ASTN2: variants seen among roughly 807,000 people sequenced by gnomAD.
ASTN2 encodes astrotactin 2, also known as astrotactin-2.
In ASTN2, 54 loss-of-function variants were observed where a neutral mutation model predicts 139.8. That is an observed-to-expected ratio of 0.39 (90% confidence interval 0.31 to 0.48). ASTN2 has a LOEUF of 0.48. Among genes scored for constraint, ASTN2 ranks in the 20% least tolerant of loss-of-function variants. The probability of loss-of-function intolerance (pLI) is 0.95; values close to 1 mark genes in which losing one functional copy is unlikely to be tolerated. For missense variants in ASTN2, 1,565 were observed against 1,725.1 expected (o/e 0.91, Z 1.64); for synonymous variants, 756 against 719.5 (o/e 1.05, Z -0.81).
At chr9:117,290,355 A>G (rs915616251) in intron 2 of ASTN2, among the ~76,000 whole-genome samples, 3 of 152,206 alleles carry the variant, frequency 2.0e-5, no homozygotes, top group Non-Finnish European at 4.4e-5. Flanking sequence ...TTTTCTATCT[A>G]CCATGCAATG....
intron 13 of ASTN2, among the ~76,000 whole-genome samples, chr9:116,762,269 C>T (rs546130368): frequency 1.3e-5 from 2 of 152,284 alleles, no homozygotes; most frequent in South Asian, 2.1e-4. Flanking sequence ...CCTGGTTTTG[C>T]CACTTGTTGT....
At chr9:116,556,632 T>C (rs1041151623) in intron 19 of ASTN2, among the ~76,000 whole-genome samples, 11 of 152,038 alleles carry the variant, frequency 7.2e-5, no homozygotes, top group Non-Finnish European at 1.2e-4. Context: ...TGAAAAGAGG[T>C]TGACAATGAC....
intron 16 of ASTN2, among the ~76,000 whole-genome samples, chr9:116,670,687 GC>G (rs1331231138): frequency 1.3e-5 from 2 of 152,130 alleles, no homozygotes; most frequent in Admixed American, 6.6e-5. Context: ...GCAAAGAGGA[GC>G]AGGAGATCTG....
intron 1 of ASTN2, among the ~76,000 whole-genome samples, chr9:117,294,659 C>T (rs954714134): frequency 5.3e-5 from 8 of 152,196 alleles, no homozygotes; most frequent in African/African-American, 1.9e-4. Context: ...CAAATGTCTC[C>T]TTGCCCATGT....
At chr9:116,970,094 GC>G (rs1564365046) in intron 10 of ASTN2, among the ~76,000 whole-genome samples, 1 of 152,160 alleles carries the variant, frequency 6.6e-6, no homozygotes, top group Non-Finnish European at 1.5e-5. Flanking sequence ...TCTCCACTGT[GC>G]ATGTCAAATC....
intron 8 of ASTN2, among the ~76,000 whole-genome samples, chr9:116,976,434 A>C (rs1391045418): frequency 1.3e-5 from 2 of 152,260 alleles, no homozygotes; most frequent in Non-Finnish European, 2.9e-5. Flanking sequence ...CAGTCCACTT[A>C]AGAAAGTGTT....
intron 2 of ASTN2, among the ~76,000 whole-genome samples, chr9:117,226,011 T>C (rs1375582418): frequency 6.6e-6 from 1 of 152,162 alleles, no homozygotes; most frequent in Non-Finnish European, 1.5e-5. Flanking sequence ...GTTATCACAA[T>C]GCATAGTTCA....
At chr9:116,555,730 T>C (rs112799001) in intron 19 of ASTN2, among the ~76,000 whole-genome samples, 3 of 152,104 alleles carry the variant, frequency 2.0e-5, no homozygotes, top group African/African-American at 7.2e-5. Context: ...TCAGCTGAAC[T>C]AAACAAACAA....
At chr9:117,399,824 C>T (rs1409552318) in intron 1 of ASTN2, among the ~76,000 whole-genome samples, 1 of 152,162 alleles carries the variant, frequency 6.6e-6, no homozygotes, top group Non-Finnish European at 1.5e-5. Flanking sequence ...AATTCATCCC[C>T]TATGCTAATC....
chr9:117,178,845 T>C (rs1363360540), intron 3 of ASTN2, among the ~76,000 whole-genome samples: 1 of 152,210 alleles, frequency 6.6e-6, no homozygotes, highest in Non-Finnish European at 1.5e-5. Flanking sequence ...TAGACACACA[T>C]GGCTGCAGCC....
rs565165082 is a variant in ASTN2, at chr9:116,571,179, G to A, written c.3355+47145C>T. 5.3e-5 allele frequency among the ~76,000 whole-genome samples: 8 copies of A among 152,268 alleles called. No homozygotes were observed. The East Asian group carries it at 5.8e-4, about 11-fold the overall frequency. ...ACTGAGGCACAATCCCTGGCCCCAC[G>A]CTGGTGGTTTCCTCTCCCTGGGGCA... On this transcript the variant is annotated intron_variant, in intron 19 of 22. Coordinates refer to ENST00000313400, the MANE Select transcript of ASTN2 (RefSeq NM_001365068.1).
chr9:116,928,860 C>T (rs1011545233), intron 10 of ASTN2, among the ~76,000 whole-genome samples: 30 of 152,236 alleles, frequency 2.0e-4, no homozygotes, highest in African/African-American at 7.0e-4. Context: ...ATGCATTTTT[C>T]ATCCCTTCAC....
chr9:116,868,707 C>G (rs1360686845), intron 10 of ASTN2, among the ~76,000 whole-genome samples: 2 of 152,190 alleles, frequency 1.3e-5, no homozygotes, highest in African/African-American at 4.8e-5. Flanking sequence ...AGTCCAAAAT[C>G]AGGGTTTGGT....
At chr9:116,481,628 G>A (rs1431274534) in intron 20 of ASTN2, among the ~76,000 whole-genome samples, 1 of 152,132 alleles carries the variant, frequency 6.6e-6, no homozygotes, top group Admixed American at 6.5e-5. Flanking sequence ...TGAAAATGTT[G>A]AAGTGAATTT....
At chr9:116,987,518 A>G (rs890758400) in intron 7 of ASTN2, among the ~76,000 whole-genome samples, 1 of 152,152 alleles carries the variant, frequency 6.6e-6, no homozygotes, top group Non-Finnish European at 1.5e-5. Context: ...ACCTTCTGCC[A>G]TAACTGTAAG....
rs944298838 is a variant in ASTN2, at chr9:116,725,663, G to A, written c.2806+108C>T. ...GACTTGCCCATGGTCACACAGCTTA[G>A]ACGTGGCAGAGCCAGGATTTAGATC... On this transcript the variant is annotated intron_variant, in intron 16 of 22. Transcript: ENST00000313400. 9.5e-6 allele frequency: 11 copies of A among 1,152,958 alleles called. No individual in the cohort carries two copies. In the African/African-American group the frequency reaches 1.5e-4, roughly 16 times the overall value. 71.4% of individuals were successfully genotyped at this position (1,152,958 alleles called of 1,614,324 possible).
At chr9:117,153,569 C>A (rs1830370760) in intron 3 of ASTN2, among the ~76,000 whole-genome samples, 1 of 152,076 alleles carries the variant, frequency 6.6e-6, no homozygotes, top group African/African-American at 2.4e-5. Flanking sequence ...TTTCAAGGGT[C>A]ATACACAACC....
At chr9:116,780,422 T>G (rs1314543854) in intron 13 of ASTN2, among the ~76,000 whole-genome samples, 1 of 152,210 alleles carries the variant, frequency 6.6e-6, no homozygotes, top group East Asian at 1.9e-4. Flanking sequence ...TTAACCACTC[T>G]GCTGTATTCA....
chr9:117,166,392 G>T (rs1016066496), intron 3 of ASTN2, among the ~76,000 whole-genome samples: 3 of 152,036 alleles, frequency 2.0e-5, no homozygotes, highest in Non-Finnish European at 2.9e-5. Context: ...AATTCAAATA[G>T]AATCTTATAA....
Sources: allele counts gnomAD v4.1 joint callset (sites outside exome capture counted in the v4.1 genomes callset), GRCh38; gene constraint gnomAD v4.1.1; transcripts MANE v1.5; gene names NCBI Gene and HGNC (gene_info 2026-07-23, HGNC 2026-07-21).